Variants in CYP19A1 observed in about 807,000 individuals in gnomAD.
The protein encoded by CYP19A1 is aromatase.
Under a neutral mutation model 44.4 loss-of-function variants are expected in CYP19A1, and 32 were observed. That is an observed-to-expected ratio of 0.72 (90% CI 0.54 to 0.97). The LOEUF (loss-of-function observed/expected upper bound fraction) is 0.97, where lower values mean the gene tolerates loss of function less well. Among genes scored for constraint, CYP19A1 ranks in the 50% least tolerant of loss-of-function variants. The pLI, the probability that CYP19A1 is intolerant of heterozygous loss-of-function variation, is 0.00. For missense variants in CYP19A1, 598 were observed against 637.8 expected, an observed-to-expected ratio of 0.94 and a Z score of 0.67; for synonymous variants, 212 against 215.6, an observed-to-expected ratio of 0.98 and a Z score of 0.14.
intron 1 of CYP19A1, among the ~76,000 whole-genome samples, chr15:51,311,570 T>G (rs1227855931): frequency 2.6e-5 from 4 of 152,174 alleles, no homozygotes; most frequent in African/African-American, 9.7e-5. Context: ...GAAAAAACAA[T>G]GGCTGAAAAC....
In CYP19A1 at chr15:51,236,955, C is replaced by T. The variant is rs371981915; in HGVS notation, c.200G>A (p.Trp67Ter). ...GTTGCAGGCACTGCCGATCCCCATC[C>T]ACAGGAATCTGCCGTGGGAGATGAG... is the stretch of plus-strand genomic sequence containing the variant. ...GPLISHGRFL[W>*]MGIGSACNYY... is the part of the protein sequence containing the mutation. Residue 67 changes from tryptophan to a stop codon, truncating the protein, a stop_gained, in exon 3 of 10, where the codon TGG (tryptophan) becomes TAG (stop). Coordinates refer to ENST00000396402, the MANE Select transcript of CYP19A1 (RefSeq NM_000103.4). LOFTEE classifies it high-confidence loss of function. The T allele has an allele frequency of 8.7e-6, 14 of 1,614,090 alleles. No individual in the cohort carries two copies. The highest frequency in any genetic ancestry group is 1.2e-5 in the Non-Finnish European group (14 of 1,180,046).
intron 1 of CYP19A1, among the ~76,000 whole-genome samples, chr15:51,326,805 C>CT (rs1304054305): frequency 6.6e-6 from 1 of 152,140 alleles, no homozygotes; most frequent in Non-Finnish European, 1.5e-5. Flanking sequence ...AATGAGAGAC[C>CT]TGAAAGTACA....
intron 1 of CYP19A1, among the ~76,000 whole-genome samples, chr15:51,284,909 C>A (rs143785055): frequency 2.0e-5 from 3 of 152,204 alleles, no homozygotes; most frequent in African/African-American, 7.2e-5. Flanking sequence ...CAGCATCTAG[C>A]GGACCCACCT....
At chr15:51,322,507 C>T (rs2036544356) in intron 1 of CYP19A1, among the ~76,000 whole-genome samples, 1 of 152,150 alleles carries the variant, frequency 6.6e-6, no homozygotes, top group African/African-American at 2.4e-5. Flanking sequence ...TGTTACTGTT[C>T]ATCATCCAGA....
rs753360540 is a variant in CYP19A1, at chr15:51,236,874, G to A, written c.281C>T (p.Thr94Ile). Residue 94 changes from threonine (T) to isoleucine (I), a missense_variant, in exon 3 of 10, where the codon ACA (threonine) becomes ATA (isoleucine). Thr to Ile is a moderately conservative substitution (Grantham distance 89, BLOSUM62 -1). Coordinates refer to ENST00000396402, the MANE Select transcript of CYP19A1 (RefSeq NM_000103.4). ...FMRVWISGEE[T>I]LIISKSSSMF... Reference sequence around the variant, plus strand: ...ACAGACTCACTTGCTGATAATGAGTGTTTCCTCTCCAGAGATCCAGACTCG... The same window carrying A: ...ACAGACTCACTTGCTGATAATGAGTATTTCCTCTCCAGAGATCCAGACTCG... 6 of 1,614,190 alleles carry A rather than the reference G, an allele frequency of 3.7e-6. No homozygotes were observed. The East Asian group carries it at 1.3e-4, about 36-fold the overall frequency.
chr15:51,298,520 C>T (rs1239505997), intron 1 of CYP19A1, among the ~76,000 whole-genome samples: 1 of 152,212 alleles, frequency 6.6e-6, no homozygotes, highest in Non-Finnish European at 1.5e-5. Flanking sequence ...AACCATCATC[C>T]ACTTTACTTT....
At chr15:51,310,443 T>A (rs996089510) in intron 1 of CYP19A1, among the ~76,000 whole-genome samples, 4 of 152,138 alleles carry the variant, frequency 2.6e-5, no homozygotes, top group African/African-American at 9.7e-5. Context: ...ATAGATAATC[T>A]GGAAAAGGGG....
intron 1 of CYP19A1, among the ~76,000 whole-genome samples, chr15:51,283,823 C>A (rs2035610310): frequency 6.6e-6 from 1 of 152,184 alleles, no homozygotes; most frequent in Non-Finnish European, 1.5e-5. Flanking sequence ...CGAGGCATAC[C>A]CGGCACAGCC....
chr15:51,246,502 A>T (rs1673609655), intron 1 of CYP19A1, among the ~76,000 whole-genome samples: 1 of 152,158 alleles, frequency 6.6e-6, no homozygotes, highest in Non-Finnish European at 1.5e-5. Flanking sequence ...TAACAACTTC[A>T]TTCAACGCCC....
At chr15:51,237,182 C>T (rs892326573) in intron 2 of CYP19A1, among the ~76,000 whole-genome samples, 173 bp from the exon 3 acceptor site, 23 of 152,224 alleles carry the variant, frequency 1.5e-4, no homozygotes, top group African/African-American at 3.4e-4. Context: ...AAAAGCCTCA[C>T]GCTTAACATG....
At chr15:51,321,304 C>T (rs575956590) in intron 1 of CYP19A1, among the ~76,000 whole-genome samples, 70 of 152,172 alleles carry the variant, frequency 4.6e-4, no homozygotes, top group Non-Finnish European at 9.1e-4. Flanking sequence ...CCACCATGCC[C>T]CTAGATCCCC....
chr15:51,287,498 G>A (rs2035733944), intron 1 of CYP19A1, among the ~76,000 whole-genome samples: 1 of 152,170 alleles, frequency 6.6e-6, no homozygotes, highest in Non-Finnish European at 1.5e-5. Flanking sequence ...AGCTGTGTGG[G>A]CCTCGTCAGC....
At chr15:51,255,841 A>G (rs2034493133) in intron 1 of CYP19A1, 1 of 152,196 alleles carries the variant, frequency 6.6e-6, no homozygotes. Context: ...TGGATAAATA[A>G]TGTGTTTGCT....
At chr15:51,223,603 A>T (rs1440658521) in intron 4 of CYP19A1, among the ~76,000 whole-genome samples, 15 of 144,660 alleles carry the variant, frequency 1.0e-4, no homozygotes, top group African/African-American at 1.7e-4. Flanking sequence ...TCACACACAC[A>T]CACACACACA....
chr15:51,255,609 G>A (rs1279117895), intron 1 of CYP19A1: 1 of 152,198 alleles, frequency 6.6e-6, no homozygotes, highest in Non-Finnish European at 1.5e-5. Flanking sequence ...TTAACTGCTG[G>A]AATGGAAACT....
At chr15:51,286,910 C>T (rs760189490) in intron 1 of CYP19A1, among the ~76,000 whole-genome samples, 1 of 152,202 alleles carries the variant, frequency 6.6e-6, no homozygotes, top group Non-Finnish European at 1.5e-5. Context: ...GAATATACCT[C>T]TAGATGGCCT....
intron 1 of CYP19A1, among the ~76,000 whole-genome samples, chr15:51,246,837 TG>T (rs2034079321): frequency 1.3e-5 from 2 of 152,214 alleles, no homozygotes; most frequent in Non-Finnish European, 2.9e-5. Context: ...ATGTGAGGGC[TG>T]GGTGCCAAGC....
chr15:51,309,925 T>C (rs2036281599), intron 1 of CYP19A1, among the ~76,000 whole-genome samples: 1 of 152,220 alleles, frequency 6.6e-6, no homozygotes, highest in African/African-American at 2.4e-5. Context: ...GGATATAGCA[T>C]ATGGTGGGCA....
intron 1 of CYP19A1, among the ~76,000 whole-genome samples, chr15:51,260,272 G>A (rs1000580116): frequency 2.0e-5 from 3 of 152,176 alleles, no homozygotes; most frequent in African/African-American, 7.2e-5. Flanking sequence ...AGTGATGTTG[G>A]GAAATTTTTG....
Sources: gnomAD v4.1 joint callset for allele counts (sites outside exome capture counted in the v4.1 genomes callset) on GRCh38, gnomAD v4.1.1 for gene constraint, MANE v1.5 for transcripts, NCBI Gene and HGNC (gene_info 2026-07-23, HGNC 2026-07-21) for gene names.